Variants in TCERG1 observed in about 807,000 individuals in gnomAD.
TCERG1 encodes the protein TATA box binding protein (TBP)-associated factor, RNA polymerase II, S, 150kD.
TCERG1 carries 37 observed loss-of-function variants against 144.7 expected under a neutral mutation model. That is an observed-to-expected ratio of 0.26 (90% CI 0.20 to 0.34). The LOEUF is 0.34. Ranked by LOEUF, TCERG1 falls within the 10% of genes least tolerant of loss-of-function variation. TCERG1 has a pLI of 1.00. For missense variants in TCERG1, 1,027 were observed against 1,380.7 expected (o/e 0.74, Z 4.06); for synonymous variants, 492 against 458.2 (o/e 1.07, Z -0.94).
chr5:146,492,621 C>A (rs554983245), intron 15 of TCERG1, among the ~76,000 whole-genome samples: 1 of 152,128 alleles, frequency 6.6e-6, no homozygotes, highest in Non-Finnish European at 1.5e-5. Flanking sequence ...GATTTCTCTT[C>A]CGCATTTCTA....
chr5:146,496,768 C>T (rs1427535208), intron 16 of TCERG1, among the ~76,000 whole-genome samples: 2 of 151,806 alleles, frequency 1.3e-5, no homozygotes, highest in Admixed American at 6.6e-5. Context: ...GCCTCAGATT[C>T]CTGGGCTTAA....
intron 15 of TCERG1, 30 bp downstream of exon 15, chr5:146,483,659 G>T (rs768922987): frequency 2.7e-5 from 42 of 1,535,536 alleles, no homozygotes; most frequent in Non-Finnish European, 3.7e-5. Flanking sequence ...AACTAAGAAT[G>T]TATATCTCTT....
Position 146,463,682 on chromosome 5 carries a change from C to T in TCERG1, c.1024C>T (p.Pro342Ser), listed in dbSNP as rs773477013. ...VPQPHPQTLP[P>S]AVPHSVPQPT... The stretch of plus-strand genomic sequence containing the variant: ...CCAGCCGCACCCTCAGACGTTACCT[C>T]CTGCTGTTCCTCATTCAGTACCTCA... Residue 342 changes from proline (P) to serine (S), a missense_variant, in exon 5 of 23, where the codon CCT becomes TCT. By Grantham distance (74) the Pro-to-Ser change is moderately conservative. This residue lies in a region of TCERG1 where 187 missense variants were observed against 169.1 expected (regional missense o/e 1.11). Coordinates refer to ENST00000679501, the MANE Select transcript of TCERG1 (RefSeq NM_001382548.1). 19 of 1,614,230 alleles carry T rather than the reference C, an allele frequency of 1.2e-5. No homozygotes were observed. Among genetic ancestry groups the T allele is most frequent in the Non-Finnish European group, 1.4e-5 (16 of 1,180,038 alleles).
At chr5:146,455,767 T>A (rs1322898393) in intron 2 of TCERG1, among the ~76,000 whole-genome samples, 5 of 152,214 alleles carry the variant, frequency 3.3e-5, no homozygotes, top group Non-Finnish European at 7.4e-5. Context: ...TTGAATTTTT[T>A]TTCTCCCCTG....
At chr5:146,505,594 C>G (rs1161984455) in intron 19 of TCERG1, 2 of 152,150 alleles carry the variant, frequency 1.3e-5, no homozygotes, top group East Asian at 3.8e-4. Context: ...GTTCCTGTTG[C>G]AGTGACAGAC....
intron 4 of TCERG1, 35 bp from the exon 5 acceptor site, chr5:146,463,516 G>A: frequency 1.2e-6 from 2 of 1,612,202 alleles, no homozygotes; most frequent in South Asian, 2.2e-5. Context: ...GATTTATGAA[G>A]GAGTGATACA....
intron 22 of TCERG1, 61 bp from the exon 23 acceptor site, chr5:146,510,380 C>A: frequency 1.7e-6 from 2 of 1,173,256 alleles, no homozygotes; most frequent in Non-Finnish European, 2.5e-6. Flanking sequence ...ATTTCCAGCT[C>A]ATTTCTGAAA....
intron 5 of TCERG1, among the ~76,000 whole-genome samples, chr5:146,465,961 A>G (rs10070974): frequency 0.27 from 40,049 of 150,142 alleles, 6,504 homozygotes; most frequent in East Asian, 0.83. Flanking sequence ...TGGAGGTTGC[A>G]GTGAGCCGAG....
chr5:146,477,925 A>G (rs1213946635), intron 9 of TCERG1, among the ~76,000 whole-genome samples: 1 of 151,220 alleles, frequency 6.6e-6, no homozygotes, highest in Non-Finnish European at 1.5e-5. Flanking sequence ...CTGGTCTCAA[A>G]CTCCTGAGCT....
intron 1 of TCERG1, 141 bp downstream of exon 1, chr5:146,447,549 A>C: frequency 9.1e-7 from 1 of 1,095,284 alleles, no homozygotes; most frequent in Non-Finnish European, 1.3e-6. Flanking sequence ...GGGTTTAAGA[A>C]GGGGGAAGGG....
rs1004133790 is a variant in TCERG1, at chr5:146,511,314, G to A, written c.*672G>A. The A allele has an allele frequency of 6.6e-6, 1 of 152,476 alleles. No individual in the cohort carries two copies. The highest frequency in any genetic ancestry group is 2.4e-5 in the African/African-American group (1 of 41,390). The allele number at this position is 152,476 out of a possible 1,614,324, so 9.4% of individuals were successfully genotyped here. On this transcript the variant is annotated 3_prime_UTR_variant, in exon 23 of 23. Coordinates refer to ENST00000679501, the MANE Select transcript of TCERG1 (RefSeq NM_001382548.1). The stretch of plus-strand genomic sequence containing the variant: ...ACATGTTGGCCAGAATAGAACCACT[G>A]GTTAAACATATTTTATTCACCATTA...
At chr5:146,501,731 G>GT (rs1271391708) in intron 17 of TCERG1, among the ~76,000 whole-genome samples, 2 of 152,098 alleles carry the variant, frequency 1.3e-5, no homozygotes, top group African/African-American at 2.4e-5. Context: ...GAAATACTGG[G>GT]TTTATGAGTA....
chr5:146,488,695 C>T (rs906582809), intron 15 of TCERG1, among the ~76,000 whole-genome samples: 8 of 152,032 alleles, frequency 5.3e-5, no homozygotes, highest in Admixed American at 2.6e-4. Context: ...AACAGAACAA[C>T]GATATGATCC....
At chr5:146,450,948 T>G (rs886853477) in intron 1 of TCERG1, among the ~76,000 whole-genome samples, 8 of 152,344 alleles carry the variant, frequency 5.3e-5, no homozygotes, top group African/African-American at 1.9e-4. Context: ...TGTTCCTTAC[T>G]CATTCACATC....
chr5:146,502,928 C>A (rs1026889749), intron 17 of TCERG1: 1 of 151,984 alleles, frequency 6.6e-6, no homozygotes, highest in African/African-American at 2.4e-5. Flanking sequence ...AAATTTTTAT[C>A]CATCTAGTTT....
intron 19 of TCERG1, 122 bp downstream of exon 19, chr5:146,504,128 G>A (rs1372651440): frequency 3.7e-6 from 4 of 1,075,234 alleles, no homozygotes; most frequent in Non-Finnish European, 4.9e-6. Flanking sequence ...AAATTAGAAA[G>A]CATTTAAAAA....
chr5:146,489,423 G>C (rs773818494), intron 15 of TCERG1, among the ~76,000 whole-genome samples: 7 of 152,070 alleles, frequency 4.6e-5, no homozygotes, highest in Non-Finnish European at 7.4e-5. Flanking sequence ...TTGTTATTCA[G>C]AGCTTTTTAA....
rs1765567606 is a variant in TCERG1 at position 146,483,694 on chromosome 5, G to A, written c.2163+65G>A. The A allele has an allele frequency of 4.5e-5, 57 of 1,280,888 alleles. 1 individual carries two copies. The highest frequency in any genetic ancestry group is 6.1e-5 in the Non-Finnish European group (56 of 914,318). 79.3% of individuals were successfully genotyped at this position (1,280,888 alleles called of 1,614,324 possible). On this transcript the variant is annotated intron_variant, in intron 15 of 22. Coordinates refer to ENST00000679501, the MANE Select transcript of TCERG1 (RefSeq NM_001382548.1). ...TGCCAACATAGTTTTTAAATTATAAGGAATAAAGTACCATCCCTTTTTTTT... is the reference window on the plus strand; with the variant it reads ...TGCCAACATAGTTTTTAAATTATAAAGAATAAAGTACCATCCCTTTTTTTT...
At chr5:146,454,218 A>G (rs967418080) in intron 1 of TCERG1, among the ~76,000 whole-genome samples, 10 of 151,624 alleles carry the variant, frequency 6.6e-5, no homozygotes, top group Non-Finnish European at 1.3e-4. Context: ...AAAAGAAAAG[A>G]AAAGAAAGAA....
Sources: gnomAD v4.1 joint callset for allele counts (sites outside exome capture counted in the v4.1 genomes callset) on GRCh38, gnomAD v4.1.1 for gene constraint, gnomAD v4.1.1 regional missense constraint, MANE v1.5 for transcripts, NCBI Gene and HGNC (gene_info 2026-07-23, HGNC 2026-07-21) for gene names.